Variants in ADGRB3 observed in about 807,000 individuals in gnomAD.
ADGRB3 encodes the protein adhesion G protein-coupled receptor B3, also known as brain-specific angiogenesis inhibitor 3.
In ADGRB3, 37 loss-of-function variants were observed where a neutral mutation model predicts 193.4. That is an observed-to-expected ratio of 0.19 (90% CI 0.15 to 0.25). The LOEUF is 0.25. Ranked by LOEUF, ADGRB3 falls within the 10% of genes least tolerant of loss-of-function variation. The probability of loss-of-function intolerance (pLI) is 1.00; values close to 1 mark genes in which losing one functional copy is unlikely to be tolerated. For synonymous variants in ADGRB3, 690 were observed against 644.2 expected, an observed-to-expected ratio of 1.07 and a Z score of -1.08; for missense variants, 1,637 against 1,852.9, an observed-to-expected ratio of 0.88 and a Z score of 2.14.
intron 17 of ADGRB3, among the ~76,000 whole-genome samples, chr6:69,101,433 C>CATGTGTGTGTGTGT (rs368202450): frequency 1.4e-5 from 2 of 145,286 alleles, no homozygotes; most frequent in Non-Finnish European, 3.0e-5. Context: ...CAGTAAGTAT[C>CATGTGTGTGTGTGT]GTGTGTGTGT....
At chr6:68,721,816 C>A (rs1294186826) in intron 3 of ADGRB3, among the ~76,000 whole-genome samples, 1 of 150,832 alleles carries the variant, frequency 6.6e-6, no homozygotes, top group African/African-American at 2.4e-5. Flanking sequence ...TCAGTAAATT[C>A]TTCTTTCCCA....
intron 20 of ADGRB3, among the ~76,000 whole-genome samples, chr6:69,266,245 G>A (rs921173885): frequency 1.3e-5 from 2 of 151,980 alleles, no homozygotes; most frequent in African/African-American, 2.4e-5. Context: ...AAAGGATGAT[G>A]TAGGGTGTTA....
intron 17 of ADGRB3, among the ~76,000 whole-genome samples, chr6:69,213,836 A>G (rs1765716351): frequency 1.3e-5 from 2 of 152,140 alleles, no homozygotes; most frequent in Non-Finnish European, 1.5e-5. Context: ...CTATTTTACT[A>G]TATTCCAAGT....
intron 3 of ADGRB3, among the ~76,000 whole-genome samples, chr6:68,898,600 A>C (rs1523938): frequency 0.77 from 117,461 of 151,972 alleles, 45,891 homozygotes; most frequent in Middle Eastern, 0.85. Flanking sequence ...TGACTCCCCA[A>C]CCCTTAGACA....
At chr6:69,211,350 G>T (rs1765663459) in intron 17 of ADGRB3, among the ~76,000 whole-genome samples, 1 of 152,122 alleles carries the variant, frequency 6.6e-6, no homozygotes, top group African/African-American at 2.4e-5. Flanking sequence ...TATCATACAA[G>T]CTGTGGGCCA....
intron 18 of ADGRB3, among the ~76,000 whole-genome samples, chr6:69,234,151 C>A (rs554213933): frequency 6.6e-6 from 1 of 152,168 alleles, no homozygotes; most frequent in East Asian, 1.9e-4. Flanking sequence ...ATTTTGATGA[C>A]AAAAAACTAA....
intron 3 of ADGRB3, among the ~76,000 whole-genome samples, chr6:68,852,797 A>G (rs1285200266): frequency 6.6e-6 from 1 of 151,996 alleles, no homozygotes; most frequent in Non-Finnish European, 1.5e-5. Context: ...CTAGATAACT[A>G]ATTTAGTTGG....
intron 6 of ADGRB3, among the ~76,000 whole-genome samples, chr6:68,945,039 C>A (rs1767739044): frequency 6.6e-6 from 1 of 152,086 alleles, no homozygotes; most frequent in Non-Finnish European, 1.5e-5. Flanking sequence ...AAGTTAATGT[C>A]CTGAACTATG....
intron 3 of ADGRB3, among the ~76,000 whole-genome samples, chr6:68,744,675 G>A (rs532750940): frequency 6.6e-6 from 1 of 152,180 alleles, no homozygotes; most frequent in South Asian, 2.1e-4. Context: ...CTCATAAGTG[G>A]GAGTTGAACA....
chr6:68,653,344 T>C (rs1197586418), intron 3 of ADGRB3, among the ~76,000 whole-genome samples: 2 of 152,122 alleles, frequency 1.3e-5, no homozygotes, highest in Non-Finnish European at 2.9e-5. Flanking sequence ...ATATCTATAA[T>C]GTCCAGTTGA....
At chr6:69,353,659 A>G (rs1023325412) in intron 26 of ADGRB3, among the ~76,000 whole-genome samples, 1 of 152,248 alleles carries the variant, frequency 6.6e-6, no homozygotes, top group Non-Finnish European at 1.5e-5. Flanking sequence ...TGAGCCAGAT[A>G]TAGCTATTTT....
rs370252564 is a variant in ADGRB3, at chr6:69,336,673, A to C, written c.3189-2243A>C. 1.6e-4 allele frequency among the ~76,000 whole-genome samples: 25 copies of C among 152,106 alleles called. No individual in the cohort carries two copies. In the East Asian group the frequency reaches 3.1e-3, roughly 19 times the overall value. ...CCTACCCTGGTGCCCTGGTGGGTATATTGGTTAAATTTAGATGTATGGACA... is the reference window on the plus strand; with the variant it reads ...CCTACCCTGGTGCCCTGGTGGGTATCTTGGTTAAATTTAGATGTATGGACA... On this transcript the variant is annotated intron_variant, in intron 24 of 31. Transcript: ENST00000370598.
chr6:69,332,806 C>T, intron 23 of ADGRB3, 117 bp from the exon 24 acceptor site: 16 of 1,469,930 alleles, frequency 1.1e-5, no homozygotes, highest in Non-Finnish European at 1.3e-5. Flanking sequence ...GAGAGTGCTT[C>T]ATACCACTAC....
chr6:69,083,252 T>A (rs929704307), intron 17 of ADGRB3, among the ~76,000 whole-genome samples: 4 of 152,234 alleles, frequency 2.6e-5, no homozygotes, highest in Admixed American at 2.6e-4. Flanking sequence ...ATCCTTATAT[T>A]TTCCGCTTTA....
chr6:69,194,599 A>G (rs1257841214), intron 17 of ADGRB3, among the ~76,000 whole-genome samples: 1 of 152,112 alleles, frequency 6.6e-6, no homozygotes, highest in East Asian at 1.9e-4. Context: ...TTCACCATTT[A>G]TATTATGAGT....
intron 17 of ADGRB3, among the ~76,000 whole-genome samples, chr6:69,189,067 T>C (rs1765129619): frequency 6.6e-6 from 1 of 152,222 alleles, no homozygotes; most frequent in Non-Finnish European, 1.5e-5. Context: ...TGTGAAATGA[T>C]AACCAATGAA....
At chr6:69,280,478 C>T (rs1767411155) in intron 20 of ADGRB3, among the ~76,000 whole-genome samples, 1 of 152,066 alleles carries the variant, frequency 6.6e-6, no homozygotes, top group Non-Finnish European at 1.5e-5. Flanking sequence ...TCTGTGTGAC[C>T]TCGGGCAAGT....
intron 17 of ADGRB3, among the ~76,000 whole-genome samples, chr6:69,148,165 TTTG>T (rs147134929): frequency 0.022 from 3,392 of 152,254 alleles, 129 homozygotes; most frequent in African/African-American, 0.072. Flanking sequence ...ACTCCTGCTA[TTTG>T]TTATTTGTTT....
At chr6:68,675,413 A>C (rs184969243) in intron 3 of ADGRB3, among the ~76,000 whole-genome samples, 48 of 152,316 alleles carry the variant, frequency 3.2e-4, no homozygotes, top group Admixed American at 8.5e-4. Flanking sequence ...AAGCAAGGAG[A>C]AAAAAGGAAA....
Sources: gnomAD v4.1 joint callset for allele counts (sites outside exome capture counted in the v4.1 genomes callset) on GRCh38, gnomAD v4.1.1 for gene constraint, MANE v1.5 for transcripts, NCBI Gene and HGNC (gene_info 2026-07-23, HGNC 2026-07-21) for gene names.